Variants in TMEM132D observed in about 807,000 individuals in gnomAD.
TMEM132D encodes transmembrane protein 132D.
A neutral mutation model predicts 62.3 loss-of-function variants in TMEM132D; 21 were observed. The observed-to-expected ratio is 0.34, with a 90% CI of 0.24 to 0.49. TMEM132D has a LOEUF of 0.49. Among genes scored for constraint, TMEM132D ranks in the 20% least tolerant of loss-of-function variants. The probability of loss-of-function intolerance (pLI) is 0.99; values close to 1 mark genes in which losing one functional copy is unlikely to be tolerated. For missense variants in TMEM132D, 1,346 were observed against 1,402.8 expected, an observed-to-expected ratio of 0.96 and a Z score of 0.65; for synonymous variants, 621 against 575.6, an observed-to-expected ratio of 1.08 and a Z score of -1.13.
At chr12:129,860,193 G>T (rs984472) in intron 1 of TMEM132D, among the ~76,000 whole-genome samples, 59,264 of 152,002 alleles carry the variant, frequency 0.39, 11,668 homozygotes, top group East Asian at 0.59. Context: ...GAATGCAACT[G>T]GCTAAGAAAA....
intron 2 of TMEM132D, among the ~76,000 whole-genome samples, chr12:129,604,315 C>A (rs1403082953): frequency 6.6e-6 from 1 of 152,130 alleles, no homozygotes; most frequent in Non-Finnish European, 1.5e-5. Flanking sequence ...GCACATGTAT[C>A]CCAGAACTTA....
intron 3 of TMEM132D, among the ~76,000 whole-genome samples, chr12:129,529,441 G>A (rs555824502): frequency 6.6e-6 from 1 of 152,086 alleles, no homozygotes; most frequent in Non-Finnish European, 1.5e-5. Context: ...CCACCATTGG[G>A]CCCCCCCATG....
chr12:129,366,374 T>C (rs960970586), intron 3 of TMEM132D, among the ~76,000 whole-genome samples: 1 of 152,148 alleles, frequency 6.6e-6, no homozygotes, highest in African/African-American at 2.4e-5. Flanking sequence ...AAGATCTGGT[T>C]GTTTAAAAGC....
intron 6 of TMEM132D, 138 bp from the exon 7 acceptor site, chr12:129,082,170 G>T: frequency 1.9e-6 from 2 of 1,071,430 alleles, no homozygotes; most frequent in Non-Finnish European, 2.6e-6. Context: ...ATGCAGAGGT[G>T]AACTTCAGAT....
chr12:129,575,540 C>T (rs1434252781), intron 2 of TMEM132D, among the ~76,000 whole-genome samples: 1 of 152,008 alleles, frequency 6.6e-6, no homozygotes, highest in East Asian at 1.9e-4. Context: ...GTGAGCGCTG[C>T]GTCCATGTGC....
In TMEM132D at chr12:129,167,324, T is replaced by C. The variant is rs553649275; in HGVS notation, c.1443+42196A>G. ...TCTCCCAGGAACCAGGGGCCCACTT[T>C]CCATAGCAGGAAGGGCAGAAACGTC... On this transcript the variant is annotated intron_variant, in intron 5 of 8. Transcript: ENST00000422113. 6.6e-5 allele frequency among the ~76,000 whole-genome samples: 10 copies of C among 152,272 alleles called. No individual in the cohort carries two copies. In the South Asian group the frequency reaches 2.1e-3, roughly 32 times the overall value.
chr12:129,842,314 T>C (rs2137345414), intron 1 of TMEM132D, among the ~76,000 whole-genome samples: 1 of 152,164 alleles, frequency 6.6e-6, no homozygotes, highest in African/African-American at 2.4e-5. Flanking sequence ...CCCAAAGTGA[T>C]GGAGACCCCT....
chr12:129,522,214 G>T (rs931813648), intron 3 of TMEM132D, among the ~76,000 whole-genome samples: 3 of 152,080 alleles, frequency 2.0e-5, no homozygotes, highest in Non-Finnish European at 4.4e-5. Context: ...GAAGAAAGTT[G>T]CTTTTAGAAA....
At chr12:129,581,916 G>A (rs1016001118) in intron 2 of TMEM132D, among the ~76,000 whole-genome samples, 4 of 152,150 alleles carry the variant, frequency 2.6e-5, no homozygotes, top group African/African-American at 9.7e-5. Context: ...GACTGAGACA[G>A]TCAAAAACAG....
chr12:129,467,546 C>A (rs1873950799), intron 3 of TMEM132D, among the ~76,000 whole-genome samples: 1 of 152,154 alleles, frequency 6.6e-6, no homozygotes, highest in Admixed American at 6.5e-5. Context: ...CTTGCACCTG[C>A]TACTGTGGTG....
At chr12:129,126,356 CTCT>C (rs1372755165) in intron 5 of TMEM132D, among the ~76,000 whole-genome samples, 6 of 137,804 alleles carry the variant, frequency 4.4e-5, no homozygotes, top group Admixed American at 1.4e-4. Context: ...CAGTTTCTCT[CTCT>C]TTTTTTTTTT....
chr12:129,729,914 C>G (rs981269582), intron 1 of TMEM132D, among the ~76,000 whole-genome samples: 3 of 152,156 alleles, frequency 2.0e-5, no homozygotes, highest in Non-Finnish European at 2.9e-5. Context: ...TGATAATGTA[C>G]TTTGTGATAT....
chr12:129,088,062 G>A (rs1874706089), intron 5 of TMEM132D, among the ~76,000 whole-genome samples: 2 of 80,312 alleles, frequency 2.5e-5, no homozygotes, highest in Admixed American at 2.8e-4. Flanking sequence ...TGTCCTCCAT[G>A]ACCGGGGTGT....
intron 1 of TMEM132D, among the ~76,000 whole-genome samples, chr12:129,843,175 C>T (rs774754312): frequency 6.6e-6 from 1 of 151,770 alleles, no homozygotes; most frequent in Non-Finnish European, 1.5e-5. Flanking sequence ...CCCATAGAGC[C>T]CACTTTTTGA....
At position 129,174,775 on chromosome 12, in the gene TMEM132D, C is replaced by T. The variant is rs188511703; in HGVS notation, c.1443+34745G>A. 1.2e-4 allele frequency among the ~76,000 whole-genome samples: 18 copies of T among 152,356 alleles called. No individual in the cohort carries two copies. The East Asian group carries it at 2.7e-3, about 23-fold the overall frequency. ...GACTTTGTAATAATCACCATTCTGA[C>T]TGGCATGAGATGGTATCCATTGTGG... On this transcript the variant is annotated intron_variant, in intron 5 of 8. Transcript: ENST00000422113.
intron 5 of TMEM132D, 124 bp downstream of exon 5, chr12:129,209,396 T>C (rs1878956899): frequency 8.4e-7 from 1 of 1,192,382 alleles, no homozygotes; most frequent in South Asian, 1.6e-5. Flanking sequence ...ATAACCAGAA[T>C]GGGATGGGAG....
chr12:129,583,814 C>T (rs1484860719), intron 2 of TMEM132D, among the ~76,000 whole-genome samples: 1 of 152,176 alleles, frequency 6.6e-6, no homozygotes, highest in African/African-American at 2.4e-5. Context: ...GCTTCATAGG[C>T]TGTTCACCAA....
At chr12:129,557,946 C>T (rs1877108555) in intron 2 of TMEM132D, among the ~76,000 whole-genome samples, 1 of 151,972 alleles carries the variant, frequency 6.6e-6, no homozygotes, top group Non-Finnish European at 1.5e-5. Context: ...TACACATAAG[C>T]AAAAAGACAG....
At chr12:129,283,461 G>C (rs996735628) in intron 4 of TMEM132D, among the ~76,000 whole-genome samples, 1 of 152,140 alleles carries the variant, frequency 6.6e-6, no homozygotes, top group Non-Finnish European at 1.5e-5. Context: ...CAAAGTGCTG[G>C]AATTACAGGC....
Sources: allele counts gnomAD v4.1 joint callset (sites outside exome capture counted in the v4.1 genomes callset), GRCh38; gene constraint gnomAD v4.1.1; transcripts MANE v1.5; gene names NCBI Gene and HGNC (gene_info 2026-07-23, HGNC 2026-07-21).